TSPAN18: variants seen among roughly 807,000 people sequenced by gnomAD.
TSPAN18 encodes tetraspanin 18, also known as tetraspanin-18.
TSPAN18 carries 14 observed loss-of-function variants against 27.3 expected under a neutral mutation model. The ratio of observed to expected loss-of-function variants is 0.51; its 90% CI spans 0.34 to 0.80. The LOEUF is 0.80. Ranked by LOEUF, TSPAN18 falls within the 30% of genes least tolerant of loss-of-function variation. TSPAN18 has a pLI of 0.01. For missense variants in TSPAN18, 268 were observed against 323.9 expected, an observed-to-expected ratio of 0.83 and a Z score of 1.32; for synonymous variants, 143 against 136.5, an observed-to-expected ratio of 1.05 and a Z score of -0.33.
rs1192335571 is a variant in TSPAN18 at position 44,785,566 on chromosome 11, C to T, written c.-153+21054C>T. Among the ~76,000 whole-genome samples, 3 of 151,130 alleles carry T rather than the reference C, an allele frequency of 2.0e-5. No homozygotes were observed. In the East Asian group the frequency reaches 5.9e-4, roughly 30 times the overall value. On this transcript the variant is annotated intron_variant, in intron 2 of 9. Transcript: ENST00000520358. ...CAGGCTTTTATCCCCTCAAATGCCT[C>T]ATTTGTGCTTTGGCCCAAACTGCAG... is the stretch of plus-strand genomic sequence containing the variant.
intron 2 of TSPAN18, among the ~76,000 whole-genome samples, chr11:44,800,760 G>T (rs1856462235): frequency 6.6e-6 from 1 of 152,234 alleles, no homozygotes; most frequent in African/African-American, 2.4e-5. Context: ...TAGGATTGGG[G>T]ACAGGTGGGG....
rs529280358 is a variant in TSPAN18, at chr11:44,895,420, T to TC, written c.-10-10984dup. On this transcript the variant is annotated intron_variant, in intron 3 of 9. Transcript: ENST00000520358. Reference sequence around the variant, plus strand: ...AGCACCTTGGAGAGGGGGGTGACTTTCCCAAGGTCTCCAGGGAGCTGGCCA... The same window carrying TC: ...AGCACCTTGGAGAGGGGGGTGACTTTCCCCAAGGTCTCCAGGGAGCTGGCCA... Among the ~76,000 whole-genome samples the TC allele has an allele frequency of 4.7e-3, 711 of 152,306 alleles. 8 individuals are homozygous for TC. The highest frequency in any genetic ancestry group is 0.016 in the African/African-American group (664 of 41,572).
intron 1 of TSPAN18, among the ~76,000 whole-genome samples, chr11:44,731,226 T>G (rs1374102085): frequency 6.6e-6 from 1 of 152,190 alleles, no homozygotes; most frequent in Non-Finnish European, 1.5e-5. Flanking sequence ...GATGTGGCCT[T>G]GTGTGAGTCA....
rs557488497 is a variant in TSPAN18 at position 44,776,504 on chromosome 11, C to T, written c.-153+11992C>T. On this transcript the variant is annotated intron_variant, in intron 2 of 9. Transcript: ENST00000520358. ...ATGTGGGTGGGCTGCAGACCACAGC[C>T]GTCATATATTTAAAGGGAAAATAGC... Among the ~76,000 whole-genome samples, 381 of 152,200 alleles carry T rather than the reference C, an allele frequency of 2.5e-3. 2 individuals are homozygous for T. Among genetic ancestry groups the T allele is most frequent in the African/African-American group, 8.2e-3 (341 of 41,540 alleles).
chr11:44,906,867 C>G (rs956048350), intron 4 of TSPAN18, among the ~76,000 whole-genome samples: 1 of 152,116 alleles, frequency 6.6e-6, no homozygotes. Flanking sequence ...GGACTTCAGA[C>G]CTGGAGGGGC....
chr11:44,813,049 G>A (rs1012070122), intron 2 of TSPAN18, among the ~76,000 whole-genome samples: 14 of 152,212 alleles, frequency 9.2e-5, no homozygotes, highest in South Asian at 6.2e-4. Context: ...CCTGCTGGCC[G>A]TCTCTCTGTG....
At chr11:44,745,852 C>A (rs1855061159) in intron 1 of TSPAN18, among the ~76,000 whole-genome samples, 2 of 152,144 alleles carry the variant, frequency 1.3e-5, no homozygotes, top group African/African-American at 4.8e-5. Flanking sequence ...ACGGTGAAAC[C>A]CCGTCTCTAC....
At chr11:44,746,444 G>A (rs1023454455) in intron 1 of TSPAN18, among the ~76,000 whole-genome samples, 1 of 152,204 alleles carries the variant, frequency 6.6e-6, no homozygotes, top group Admixed American at 6.5e-5. Flanking sequence ...AAAGCAAGGA[G>A]TGTAGTACCC....
At chr11:44,820,224 G>A (rs959320198) in intron 2 of TSPAN18, among the ~76,000 whole-genome samples, 10 of 152,202 alleles carry the variant, frequency 6.6e-5, no homozygotes, top group Non-Finnish European at 1.3e-4. Flanking sequence ...ATTCTCATGG[G>A]TTTCAGTTAA....
At chr11:44,836,436 G>C (rs749623937) in intron 2 of TSPAN18, among the ~76,000 whole-genome samples, 2 of 152,230 alleles carry the variant, frequency 1.3e-5, no homozygotes, top group Non-Finnish European at 2.9e-5. Flanking sequence ...GCTAGCCAAG[G>C]CTGGTTCATG....
intron 3 of TSPAN18, among the ~76,000 whole-genome samples, chr11:44,891,874 A>C (rs1411670036): frequency 1.3e-5 from 2 of 152,204 alleles, no homozygotes; most frequent in Non-Finnish European, 2.9e-5. Context: ...CTAAATGGGA[A>C]ATGAACAAAA....
intron 2 of TSPAN18, among the ~76,000 whole-genome samples, chr11:44,829,143 A>T (rs556826616): frequency 1.3e-5 from 2 of 152,320 alleles, no homozygotes; most frequent in African/African-American, 4.8e-5. Flanking sequence ...TTTACATCTA[A>T]TATTATTGTG....
intron 1 of TSPAN18, among the ~76,000 whole-genome samples, chr11:44,755,419 G>A (rs73448574): frequency 0.026 from 3,901 of 152,034 alleles, 143 homozygotes; most frequent in East Asian, 0.08. Flanking sequence ...GTGACAGGAC[G>A]AGCAGGTGGG....
chr11:44,868,480 C>G (rs192907459), intron 3 of TSPAN18, among the ~76,000 whole-genome samples: 1 of 152,220 alleles, frequency 6.6e-6, no homozygotes, highest in African/African-American at 2.4e-5. Context: ...GCCTCCCCAC[C>G]TCAGTACTGG....
At chr11:44,919,459 G>A in intron 7 of TSPAN18, 147 bp downstream of exon 7, 2 of 738,034 alleles carry the variant, frequency 2.7e-6, no homozygotes, top group South Asian at 1.6e-5. Flanking sequence ...CAGCATTCCA[G>A]GCAGCCATGC....
At chr11:44,838,379 T>C (rs1023130822) in intron 2 of TSPAN18, among the ~76,000 whole-genome samples, 1 of 152,094 alleles carries the variant, frequency 6.6e-6, no homozygotes, top group African/African-American at 2.4e-5. Context: ...CCCACCCCCA[T>C]GATTCAATTA....
chr11:44,821,322 T>C, intron 2 of TSPAN18, among the ~76,000 whole-genome samples: 1 of 152,230 alleles, frequency 6.6e-6, no homozygotes, highest in East Asian at 1.9e-4. Context: ...TATTGGACTG[T>C]TTCTCACGGG....
At position 44,907,285 on chromosome 11, in the gene TSPAN18, G is replaced by A. The variant is rs75369497; in HGVS notation, c.63+806G>A. Among the ~76,000 whole-genome samples, 28 of 152,250 alleles carry A rather than the reference G, an allele frequency of 1.8e-4. No homozygotes were observed. In the East Asian group the frequency reaches 4.7e-3, roughly 25 times the overall value. On this transcript the variant is annotated intron_variant, in intron 4 of 9. Coordinates refer to ENST00000520358, the MANE Select transcript of TSPAN18 (RefSeq NM_130783.5). ...AGTAGAGCTGTGGCCCTGGATTCTT[G>A]GGCCCCCACAGGCTTTCCTGGTCCA... is the stretch of plus-strand genomic sequence containing the variant.
intron 1 of TSPAN18, among the ~76,000 whole-genome samples, chr11:44,763,189 T>G (rs1855492889): frequency 6.6e-6 from 1 of 152,210 alleles, no homozygotes; most frequent in Admixed American, 6.5e-5. Flanking sequence ...GGGTTTCCAC[T>G]GTGCAGCTAG....
Sources: allele counts gnomAD v4.1 joint callset (sites outside exome capture counted in the v4.1 genomes callset), GRCh38; gene constraint gnomAD v4.1.1; transcripts MANE v1.5; gene names NCBI Gene and HGNC (gene_info 2026-07-23, HGNC 2026-07-21).